The following CPA6 variants were observed in gnomAD, a reference collection of about 807,000 sequenced individuals.
CPA6 encodes carboxypeptidase B.
CPA6 carries 58 observed loss-of-function variants against 63.3 expected under a neutral mutation model. The ratio of observed to expected loss-of-function variants is 0.92; its 90% CI spans 0.74 to 1.14. CPA6 has a LOEUF of 1.14. Among genes scored for constraint, CPA6 ranks in the 50% most tolerant of loss-of-function variants. The pLI, the probability that CPA6 is intolerant of heterozygous loss-of-function variation, is 0.00. For missense variants in CPA6, 565 were observed against 526.6 expected (o/e 1.07, Z -0.71); for synonymous variants, 185 against 179.0 (o/e 1.03, Z -0.27).
intron 8 of CPA6, among the ~76,000 whole-genome samples, chr8:67,455,014 A>G (rs1168019106): frequency 1.3e-5 from 2 of 152,206 alleles, no homozygotes; most frequent in Non-Finnish European, 2.9e-5. Flanking sequence ...ATGGCAAAGA[A>G]GAGACTCAAT....
At chr8:67,524,178 G>A (rs951151596) in intron 2 of CPA6, among the ~76,000 whole-genome samples, 1 of 152,126 alleles carries the variant, frequency 6.6e-6, no homozygotes. Flanking sequence ...ATGGATTCTT[G>A]GAGAGCTTCT....
At chr8:67,496,552 TATA>T (rs1563976191) in intron 6 of CPA6, among the ~76,000 whole-genome samples, 37 of 137,782 alleles carry the variant, frequency 2.7e-4, no homozygotes, top group East Asian at 6.2e-4. Context: ...TATATATATA[TATA>T]TATTTATTTT....
At chr8:67,554,343 G>A (rs189297242) in intron 2 of CPA6, among the ~76,000 whole-genome samples, 6 of 152,254 alleles carry the variant, frequency 3.9e-5, no homozygotes, top group African/African-American at 1.4e-4. Flanking sequence ...ATGGGAGCAA[G>A]AGAGAATAAG....
intron 2 of CPA6, among the ~76,000 whole-genome samples, chr8:67,537,538 T>C (rs949665047): frequency 6.6e-6 from 1 of 152,204 alleles, no homozygotes; most frequent in Non-Finnish European, 1.5e-5. Context: ...TCAGTGGTGA[T>C]ATCCCCTTTG....
At chr8:67,674,878 G>A (rs1399358325) in intron 1 of CPA6, among the ~76,000 whole-genome samples, 1 of 152,134 alleles carries the variant, frequency 6.6e-6, no homozygotes, top group Non-Finnish European at 1.5e-5. Flanking sequence ...GCAGCAACAT[G>A]GATGGAGCTG....
chr8:67,609,556 A>G (rs1247066671), intron 2 of CPA6, among the ~76,000 whole-genome samples: 1 of 152,222 alleles, frequency 6.6e-6, no homozygotes, highest in African/African-American at 2.4e-5. Flanking sequence ...CTCCTGATTC[A>G]TAAGGGCTCT....
chr8:67,544,486 G>A (rs1812772095), intron 2 of CPA6, among the ~76,000 whole-genome samples: 1 of 152,116 alleles, frequency 6.6e-6, no homozygotes, highest in Admixed American at 6.5e-5. Context: ...CTGTTAAATG[G>A]CAATGAATAA....
chr8:67,715,617 G>C (rs551276775), intron 1 of CPA6, among the ~76,000 whole-genome samples: 14 of 152,304 alleles, frequency 9.2e-5, no homozygotes, highest in African/African-American at 2.6e-4. Context: ...AGCGGAAAAT[G>C]TCCTCTGTTG....
intron 8 of CPA6, among the ~76,000 whole-genome samples, chr8:67,455,443 T>C (rs1361931956): frequency 2.6e-5 from 4 of 152,130 alleles, no homozygotes; most frequent in Non-Finnish European, 5.9e-5. Flanking sequence ...AAATAACTCT[T>C]ACTTTACTCT....
intron 2 of CPA6, among the ~76,000 whole-genome samples, chr8:67,518,662 T>C (rs1227074387): frequency 6.6e-6 from 1 of 151,796 alleles, no homozygotes; most frequent in African/African-American, 2.4e-5. Flanking sequence ...GCATGCCACC[T>C]GGTCCAGCTA....
intron 1 of CPA6, among the ~76,000 whole-genome samples, chr8:67,718,549 A>G (rs997801287): frequency 1.3e-5 from 2 of 152,140 alleles, no homozygotes; most frequent in Non-Finnish European, 2.9e-5. Flanking sequence ...TTCTCTGCCA[A>G]GAGTCTCTTC....
Position 67,661,168 on chromosome 8 carries a change from G to A in CPA6, c.117-36917C>T, listed in dbSNP as rs145407729. ...GCCAGGTGAAGGTCTTCTAATTTTA[G>A]ATATGGCGGTCAAGGAAGGTGTAAT... is the stretch of plus-strand genomic sequence containing the variant. On this transcript the variant is annotated intron_variant, in intron 1 of 10. Coordinates refer to ENST00000297770, the MANE Select transcript of CPA6 (RefSeq NM_020361.5). 7.3e-3 allele frequency among the ~76,000 whole-genome samples: 1,109 copies of A among 152,304 alleles called. 8 individuals are homozygous for A. The highest frequency in any genetic ancestry group is 0.011 in the Non-Finnish European group (759 of 68,036).
intron 2 of CPA6, among the ~76,000 whole-genome samples, chr8:67,566,041 A>C (rs966008003): frequency 2.0e-5 from 3 of 152,150 alleles, no homozygotes; most frequent in Non-Finnish European, 4.4e-5. Flanking sequence ...AGACACTCAA[A>C]TGGTTTCTGA....
At chr8:67,453,973 C>T (rs867725897) in intron 8 of CPA6, among the ~76,000 whole-genome samples, 24 of 152,214 alleles carry the variant, frequency 1.6e-4, no homozygotes, top group African/African-American at 5.1e-4. Context: ...CTGGAATATT[C>T]TACAGCATTT....
chr8:67,611,268 G>A (rs1318244525), intron 2 of CPA6, among the ~76,000 whole-genome samples: 1 of 152,044 alleles, frequency 6.6e-6, no homozygotes, highest in Non-Finnish European at 1.5e-5. Flanking sequence ...ATTTTTAGTA[G>A]AGACAGGGTT....
chr8:67,446,883 C>T (rs78074657), intron 8 of CPA6, among the ~76,000 whole-genome samples: 1 of 152,248 alleles, frequency 6.6e-6, no homozygotes, highest in African/African-American at 2.4e-5. Context: ...TACAAATACA[C>T]ATACTGGTGT....
chr8:67,697,291 G>C (rs750102068), intron 1 of CPA6, among the ~76,000 whole-genome samples: 8 of 152,176 alleles, frequency 5.3e-5, no homozygotes, highest in Non-Finnish European at 1.0e-4. Context: ...AGGAAGACTG[G>C]AGTGAGTCCT....
At chr8:67,574,926 A>T (rs1481365801) in intron 2 of CPA6, among the ~76,000 whole-genome samples, 1 of 152,192 alleles carries the variant, frequency 6.6e-6, no homozygotes, top group Admixed American at 6.5e-5. Context: ...ACAACAAAGA[A>T]AACAATTAAG....
intron 1 of CPA6, among the ~76,000 whole-genome samples, chr8:67,690,458 G>C (rs888990988): frequency 5.9e-5 from 9 of 152,172 alleles, no homozygotes; most frequent in Non-Finnish European, 1.2e-4. Context: ...ATCTACTTGA[G>C]ATGTGTGATA....
Sources: allele counts gnomAD v4.1 joint callset (sites outside exome capture counted in the v4.1 genomes callset), GRCh38; gene constraint gnomAD v4.1.1; transcripts MANE v1.5; gene names NCBI Gene and HGNC (gene_info 2026-07-23, HGNC 2026-07-21).